PDGFC: variants seen among roughly 807,000 people sequenced by gnomAD.
PDGFC encodes the protein platelet-derived growth factor C.
PDGFC carries 12 observed loss-of-function variants against 35.5 expected under a neutral mutation model. The observed-to-expected ratio is 0.34, with a 90% CI of 0.22 to 0.55. The LOEUF (loss-of-function observed/expected upper bound fraction) is 0.55. PDGFC is among the 20% of genes least tolerant of loss of function. PDGFC has a pLI of 0.91. For missense variants in PDGFC, 322 were observed against 412.4 expected (o/e 0.78, Z 1.90); for synonymous variants, 159 against 148.8 (o/e 1.07, Z -0.50).
At chr4:156,866,056 T>C (rs1729833297) in intron 1 of PDGFC, among the ~76,000 whole-genome samples, 1 of 152,164 alleles carries the variant, frequency 6.6e-6, no homozygotes, top group South Asian at 2.1e-4. Flanking sequence ...GCTGCACCCA[T>C]TAACGTGTCA....
At chr4:156,818,516 G>GTTTTTT (rs35714916) in intron 2 of PDGFC, among the ~76,000 whole-genome samples, 31 of 98,882 alleles carry the variant, frequency 3.1e-4, no homozygotes, top group Non-Finnish European at 4.0e-4. Flanking sequence ...CTTTCTAGCT[G>GTTTTTT]TTTTTTTTTT....
chr4:156,897,963 T>C (rs1730675575), intron 1 of PDGFC, among the ~76,000 whole-genome samples: 1 of 152,182 alleles, frequency 6.6e-6, no homozygotes, highest in East Asian at 1.9e-4. Context: ...AAAAACCATG[T>C]ATTTTGCATG....
At chr4:156,796,489 G>A (rs1249425513) in intron 3 of PDGFC, among the ~76,000 whole-genome samples, 1 of 91,026 alleles carries the variant, frequency 1.1e-5, no homozygotes, top group Non-Finnish European at 2.3e-5. Context: ...GGACCACTTT[G>A]TATTTTTTTT....
At chr4:156,915,583 A>C (rs1731139501) in intron 1 of PDGFC, among the ~76,000 whole-genome samples, 1 of 152,204 alleles carries the variant, frequency 6.6e-6, no homozygotes, top group South Asian at 2.1e-4. Flanking sequence ...ACCTGAGATC[A>C]GTAGCTTGAG....
At chr4:156,956,021 T>C (rs920882872) in intron 1 of PDGFC, among the ~76,000 whole-genome samples, 14 of 152,030 alleles carry the variant, frequency 9.2e-5, no homozygotes, top group African/African-American at 3.1e-4. Context: ...CCTTGGGCAT[T>C]CTAAGCATAT....
intron 1 of PDGFC, among the ~76,000 whole-genome samples, chr4:156,877,257 C>T (rs76286460): frequency 0.012 from 1,762 of 149,936 alleles, 11 homozygotes; most frequent in African/African-American, 0.016. Flanking sequence ...CTCAGTGTTA[C>T]GGAAATAATC....
intron 1 of PDGFC, among the ~76,000 whole-genome samples, chr4:156,924,328 C>T (rs762443106): frequency 6.6e-6 from 1 of 152,080 alleles, no homozygotes; most frequent in Non-Finnish European, 1.5e-5. Flanking sequence ...TTCTTGAACA[C>T]CTGTAATATA....
chr4:156,946,974 G>A (rs943483021), intron 1 of PDGFC, among the ~76,000 whole-genome samples: 1 of 152,028 alleles, frequency 6.6e-6, no homozygotes, highest in Non-Finnish European at 1.5e-5. Flanking sequence ...CTCAGTTGCA[G>A]TGTTAAGAAG....
chr4:156,767,254 A>G (rs1560802720), intron 5 of PDGFC, among the ~76,000 whole-genome samples: 1 of 152,102 alleles, frequency 6.6e-6, no homozygotes, highest in Admixed American at 6.6e-5. Context: ...TAAAGAGATG[A>G]AAGGTTAAAA....
chr4:156,950,664 T>TC (rs1732058094), intron 1 of PDGFC, among the ~76,000 whole-genome samples: 1 of 151,812 alleles, frequency 6.6e-6, no homozygotes, highest in Non-Finnish European at 1.5e-5. Context: ...GAAGAAAAGT[T>TC]CTTTTTTTTT....
At chr4:156,902,614 A>C (rs1730816541) in intron 1 of PDGFC, among the ~76,000 whole-genome samples, 1 of 152,196 alleles carries the variant, frequency 6.6e-6, no homozygotes, top group South Asian at 2.1e-4. Flanking sequence ...ACTTTGTGTA[A>C]AAAGTAATTA....
At chr4:156,941,236 A>G (rs1373099379) in intron 1 of PDGFC, among the ~76,000 whole-genome samples, 2 of 152,202 alleles carry the variant, frequency 1.3e-5, no homozygotes, top group Non-Finnish European at 2.9e-5. Flanking sequence ...TAAGTGAAAC[A>G]TAATGAAGGG....
intron 3 of PDGFC, among the ~76,000 whole-genome samples, chr4:156,785,021 T>C (rs1167103902): frequency 3.3e-5 from 5 of 152,264 alleles, no homozygotes; most frequent in African/African-American, 1.2e-4. Flanking sequence ...TTTATGTATG[T>C]ACAGTGGTCC....
intron 3 of PDGFC, among the ~76,000 whole-genome samples, chr4:156,792,619 A>C (rs1731327394): frequency 6.6e-6 from 1 of 152,234 alleles, no homozygotes; most frequent in South Asian, 2.1e-4. Context: ...CTTCAGGCAG[A>C]AATGCCATTA....
chr4:156,875,136 T>C (rs190937283), intron 1 of PDGFC, among the ~76,000 whole-genome samples: 1 of 152,064 alleles, frequency 6.6e-6, no homozygotes, highest in East Asian at 1.9e-4. Context: ...AATTGATGAG[T>C]GAAAGAAGAA....
At position 156,801,708 on chromosome 4, in the gene PDGFC, T is replaced by G. The variant is rs549976307; in HGVS notation, c.495+9129A>C. Among the ~76,000 whole-genome samples, 12 of 152,290 alleles carry G rather than the reference T, an allele frequency of 7.9e-5. 1 individual carries two copies. The South Asian group carries it at 2.5e-3, about 32-fold the overall frequency. On this transcript the variant is annotated intron_variant, in intron 3 of 5. Transcript: ENST00000502773. ...CACATCAATATATGAATTCCACTAA[T>G]AAAGAAAGAATGCAAAAATGGTAAT...
At chr4:156,819,254 A>C (rs1732180393) in intron 2 of PDGFC, among the ~76,000 whole-genome samples, 1 of 152,204 alleles carries the variant, frequency 6.6e-6, no homozygotes, top group South Asian at 2.1e-4. Context: ...TGCTAAAAAA[A>C]ACACCAGATT....
intron 1 of PDGFC, among the ~76,000 whole-genome samples, chr4:156,928,064 A>G (rs563050975): frequency 6.6e-6 from 1 of 152,274 alleles, no homozygotes; most frequent in East Asian, 1.9e-4. Context: ...TAAAACCATC[A>G]GATTTCATGA....
At chr4:156,766,202 T>C (rs570009481) in intron 5 of PDGFC, among the ~76,000 whole-genome samples, 48 of 152,240 alleles carry the variant, frequency 3.2e-4, no homozygotes, top group African/African-American at 1.1e-3. Context: ...ACAGATGCAC[T>C]GAGGATGAAT....
Sources: allele counts gnomAD v4.1 joint callset (sites outside exome capture counted in the v4.1 genomes callset), GRCh38; gene constraint gnomAD v4.1.1; transcripts MANE v1.5; gene names NCBI Gene and HGNC (gene_info 2026-07-23, HGNC 2026-07-21).